Variants in ZKSCAN4 observed in about 807,000 individuals in gnomAD.
ZKSCAN4 encodes the protein zinc finger protein with KRAB and SCAN domains 4.
Under a neutral mutation model 30.8 loss-of-function variants are expected in ZKSCAN4, and 23 were observed. That is an observed-to-expected ratio of 0.75 (90% CI 0.54 to 1.06). The LOEUF (loss-of-function observed/expected upper bound fraction) is 1.06. ZKSCAN4 is among the 50% of genes least tolerant of loss of function. The pLI is 0.00. For synonymous variants in ZKSCAN4, 208 were observed against 252.5 expected, an observed-to-expected ratio of 0.82 and a Z score of 1.67; for missense variants, 556 against 665.4, an observed-to-expected ratio of 0.84 and a Z score of 1.81.
intron 4 of ZKSCAN4, among the ~76,000 whole-genome samples, chr6:28,246,315 AG>A (rs1760730955): frequency 6.6e-6 from 1 of 152,154 alleles, no homozygotes; most frequent in African/African-American, 2.4e-5. Context: ...GGGTGAGCAG[AG>A]GGTGACAGTA....
intron 3 of ZKSCAN4, 95 bp downstream of exon 3, chr6:28,247,972 G>A: frequency 1.3e-6 from 1 of 762,824 alleles, no homozygotes; most frequent in South Asian, 2.2e-5. Context: ...TCTAGGATAG[G>A]GGTGGGGTAG....
At chr6:28,247,589 T>A (rs1760792657) in intron 3 of ZKSCAN4, among the ~76,000 whole-genome samples, 1 of 152,250 alleles carries the variant, frequency 6.6e-6, no homozygotes, top group Non-Finnish European at 1.5e-5. Flanking sequence ...AAAAGATTGT[T>A]CATATTGTAA....
chr6:28,243,634 A>G lies in ZKSCAN4; in HGVS notation c.*1482T>C, dbSNP rs79949269. ...TTTCATCAGATACCTAGGATTCCCAATGTGCTTCTGAACAGACACATTTTC... is the reference window on the plus strand; with the variant it reads ...TTTCATCAGATACCTAGGATTCCCAGTGTGCTTCTGAACAGACACATTTTC... On this transcript the variant is annotated 3_prime_UTR_variant, in exon 5 of 5. Transcript: ENST00000377294. Among the ~76,000 whole-genome samples the G allele has an allele frequency of 0.024, 3,706 of 151,878 alleles. 84 individuals carry two copies. The highest frequency in any genetic ancestry group is 0.067 in the African/African-American group (2,788 of 41,398).
chr6:28,246,920 C>T (rs17720293), intron 4 of ZKSCAN4, 49 bp downstream of exon 4: 160,168 of 1,571,792 alleles, frequency 0.1, 9,878 homozygotes, highest in Non-Finnish European at 0.12. Context: ...GGTTCTAATA[C>T]GCAAAGAATG....
At chr6:28,253,365 G>A (rs574259869), upstream of ZKSCAN4, among the ~76,000 whole-genome samples, 1 of 152,278 alleles carries the variant, frequency 6.6e-6, no homozygotes, top group East Asian at 1.9e-4. The surrounding 1 kb of genome is among the most constrained non-coding windows in gnomAD (Gnocchi z 4.2). Flanking sequence ...CTTTGCCTAT[G>A]CCTCTACATT....
chr6:28,246,898 A>C (rs1317062927), intron 4 of ZKSCAN4, 71 bp downstream of exon 4: 2 of 1,483,000 alleles, frequency 1.3e-6, no homozygotes, highest in Admixed American at 4.3e-5. Flanking sequence ...AACAGCTTCT[A>C]ACAGCCCAAT....
At position 28,245,367 on chromosome 6, in the gene ZKSCAN4, C is replaced by T. The variant is rs752732313; in HGVS notation, c.1387G>A (p.Glu463Lys). 9.3e-6 allele frequency: 15 copies of T among 1,614,110 alleles called. No homozygotes were observed. Among genetic ancestry groups the T allele is most frequent in the Non-Finnish European group, 1.3e-5 (15 of 1,180,048 alleles). The stretch of plus-strand genomic sequence containing the variant: ...TGACTTTCCCAGGACTCCCCGTGCT[C>T]AGGATTCTGAACATTTTTATCACCA... The part of the protein sequence containing the change: ...IHGDKNVQNP[E>K]HGESWESQGR... The change falls in exon 5 of 5, where the codon GAG becomes AAG. Residue 463 changes from glutamate (E) to lysine (K), a missense_variant. Transcript: ENST00000377294.
In ZKSCAN4 at chr6:28,247,648, A is replaced by C. The variant is rs540093742; in HGVS notation, c.654+419T>G. 2.6e-5 allele frequency among the ~76,000 whole-genome samples: 4 copies of C among 152,368 alleles called. No homozygotes were observed. In the East Asian group the frequency reaches 7.7e-4, roughly 29 times the overall value. On this transcript the variant is annotated intron_variant, in intron 3 of 4. Transcript: ENST00000377294. ...TGCCTTATCTGACCTTTCAAGTATA[A>C]GTTCTTTGAGGGCAAGGGCCAGGCC...
In ZKSCAN4 at chr6:28,243,337, A is replaced by T. The variant is rs1179048390; in HGVS notation, c.*1779T>A. Among the ~76,000 whole-genome samples, 1 of 152,212 alleles carries T rather than the reference A, an allele frequency of 6.6e-6. No individual in the cohort carries two copies. Among genetic ancestry groups the T allele is most frequent in the East Asian group, 1.9e-4 (1 of 5,198 alleles). On this transcript the variant is annotated 3_prime_UTR_variant, in exon 5 of 5. Coordinates refer to ENST00000377294, the MANE Select transcript of ZKSCAN4 (RefSeq NM_019110.5). ...GTGGTATTTCAGAGGAGAAATCCAG[A>T]AAGGGTATTTGAGGATAGACAAGAA...
Position 28,245,528 on chromosome 6 carries a change from C to G in ZKSCAN4, c.1226G>C (p.Cys409Ser), listed in dbSNP as rs1333343541. The change falls in exon 5 of 5, where the codon TGT (cysteine) becomes TCT (serine). Residue 409 changes from cysteine (C) to serine (S), a missense_variant. Around this residue, in one of 3 missense-constraint regions of ZKSCAN4, gnomAD observed 433 missense variants for 511.5 expected, o/e 0.85. Transcript: ENST00000377294. ...GCAGCTCTGGCTGAAGGTCTTCCCA[C>G]AGTCATCACACTCATAGGGCTTCTC... ...TGEKPYECDD[C>S]GKTFSQSCSL... The G allele has an allele frequency of 1.2e-6, 2 of 1,614,200 alleles. No individual in the cohort carries two copies. The highest frequency in any genetic ancestry group is 1.7e-6 in the Non-Finnish European group (2 of 1,180,038).
chr6:28,246,901 A>T, intron 4 of ZKSCAN4, 68 bp downstream of exon 4: 1 of 1,491,090 alleles, frequency 6.7e-7, no homozygotes, highest in Non-Finnish European at 9.0e-7. Flanking sequence ...AGCTTCTAAC[A>T]GCCCAATAGG....
At position 28,245,538 on chromosome 6, in the gene ZKSCAN4, A is replaced by T. The variant is rs1561856416; in HGVS notation, c.1216T>A (p.Cys406Ser). Residue 406 changes from cysteine to serine, a missense_variant, in exon 5 of 5, where the codon TGT (cysteine) becomes AGT (serine). Around this residue, in one of 3 missense-constraint regions of ZKSCAN4, gnomAD observed 433 missense variants for 511.5 expected, o/e 0.85. Transcript: ENST00000377294. ...CTGAAGGTCTTCCCACAGTCATCAC[A>T]CTCATAGGGCTTCTCCCCAGTGTGG... ...RTHTGEKPYE[C>S]DDCGKTFSQS... 1 of 1,614,146 alleles carries T rather than the reference A, an allele frequency of 6.2e-7. No individual in the cohort carries two copies. The highest frequency in any genetic ancestry group is 2.2e-5 in the East Asian group (1 of 44,868).
At chr6:28,246,049 G>A in intron 4 of ZKSCAN4, 74 bp from the exon 5 acceptor site, 2 of 1,591,484 alleles carry the variant, frequency 1.3e-6, no homozygotes, top group Non-Finnish European at 1.7e-6. Flanking sequence ...GAGTACTAGG[G>A]AGACAAGAAT....
At position 28,243,769 on chromosome 6, in the gene ZKSCAN4, A is replaced by G. The variant is rs1340001658; in HGVS notation, c.*1347T>C. Among the ~76,000 whole-genome samples, 3 of 151,472 alleles carry G rather than the reference A, an allele frequency of 2.0e-5. No individual in the cohort carries two copies. Among genetic ancestry groups the G allele is most frequent in the Non-Finnish European group, 4.4e-5 (3 of 67,908 alleles). Reference sequence around the variant, plus strand: ...AACCTCCACCTCCCAGTTTCAAGCAACTCTCCTACCTCAGCCTCCCAAGTA... The same window carrying G: ...AACCTCCACCTCCCAGTTTCAAGCAGCTCTCCTACCTCAGCCTCCCAAGTA... On this transcript the variant is annotated 3_prime_UTR_variant, in exon 5 of 5. Coordinates refer to ENST00000377294, the MANE Select transcript of ZKSCAN4 (RefSeq NM_019110.5).
At chr6:28,259,188 A>G in the ZKSCAN4 span, 1 of 551,762 alleles carries the variant, frequency 1.8e-6, no homozygotes, top group Non-Finnish European at 3.2e-6. Context: ...CCTACTTCCC[A>G]CAAGAAGCCT....
upstream of ZKSCAN4, chr6:28,252,324 G>T (rs1322974534): frequency 5.3e-6 from 1 of 187,120 alleles, no homozygotes; most frequent in African/African-American, 2.3e-5. Flanking sequence ...GCTCTAGGAA[G>T]CTTCTCTCGG....
At position 28,250,375 on chromosome 6, in the gene ZKSCAN4, G is replaced by A. The variant is rs368034314; in HGVS notation, c.424-541C>T. ...TGAGCCACTGCACCCAGCCAAGGGTGGACAGTGTTTAAGCAGCTTGCCCAT... is the reference window on the plus strand; with the variant it reads ...TGAGCCACTGCACCCAGCCAAGGGTAGACAGTGTTTAAGCAGCTTGCCCAT... On this transcript the variant is annotated intron_variant, in intron 1 of 4. Transcript: ENST00000377294. 1.7e-4 allele frequency among the ~76,000 whole-genome samples: 26 copies of A among 152,246 alleles called. No individual in the cohort carries two copies. The South Asian group carries it at 2.1e-3, about 12-fold the overall frequency.
At position 28,251,711 on chromosome 6, in the gene ZKSCAN4, C is replaced by A. The variant is rs767097895; in HGVS notation, c.270G>T (p.Glu90Asp). The A allele has an allele frequency of 1.2e-6, 2 of 1,614,258 alleles. No homozygotes were observed. Among genetic ancestry groups the A allele is most frequent in the South Asian group, 2.2e-5 (2 of 91,090 alleles). ...QWLQPEMHSK[E>D]QILELLVLEQ... is the part of the protein sequence containing the mutation. The stretch of plus-strand genomic sequence containing the variant: ...CCAGCACCAGCAGCTCCAGGATCTG[C>A]TCCTTGCTGTGCATCTCAGGCTGCA... The change falls in exon 1 of 5, where the codon GAG becomes GAT. Residue 90 changes from glutamate to aspartate, a missense_variant. Coordinates refer to ENST00000377294, the MANE Select transcript of ZKSCAN4 (RefSeq NM_019110.5). The surrounding 1 kb of genome is among the most constrained non-coding windows in gnomAD (Gnocchi z 4.5).
At chr6:28,248,205 T>G (rs1760826561) in intron 2 of ZKSCAN4, 56 bp from the exon 3 acceptor site, 3 of 1,419,178 alleles carry the variant, frequency 2.1e-6, no homozygotes, top group Non-Finnish European at 2.9e-6. Context: ...CCTCCCCACC[T>G]TGCAAAATCC....
Sources: gnomAD v4.1 joint callset for allele counts (sites outside exome capture counted in the v4.1 genomes callset) on GRCh38, gnomAD v4.1.1 for gene constraint, gnomAD v4.1.1 regional missense constraint, Gnocchi (gnomAD v3.1) non-coding constraint, MANE v1.5 for transcripts, NCBI Gene and HGNC (gene_info 2026-07-23, HGNC 2026-07-21) for gene names.